PLEKHG2: variants seen among roughly 807,000 people sequenced by gnomAD.
The protein encoded by PLEKHG2 is pleckstrin homology domain-containing family G member 2.
A neutral mutation model predicts 104.4 loss-of-function variants in PLEKHG2; 71 were observed. The observed-to-expected ratio is 0.68, with a 90% CI of 0.56 to 0.83. The LOEUF is 0.83. Ranked by LOEUF, PLEKHG2 falls within the 40% of genes least tolerant of loss-of-function variation. The pLI is 0.00. For missense variants in PLEKHG2, 1,730 were observed against 1,809.4 expected (o/e 0.96, Z 0.80); for synonymous variants, 728 against 737.0 (o/e 0.99, Z 0.20).
Position 39,425,493 on chromosome 19 carries a change from G to A in PLEKHG2, c.*199G>A, listed in dbSNP as rs1288183224. On this transcript the variant is annotated 3_prime_UTR_variant, in exon 19 of 19. Transcript: ENST00000425673. ...AAGGGAGGAATGTCATTAATGTTTT[G>A]TTAATACTGATTCTTTCATGCAATG... The A allele has an allele frequency of 6.0e-6, 5 of 833,854 alleles. No homozygotes were observed. Among genetic ancestry groups the A allele is most frequent in the Non-Finnish European group, 8.6e-6 (5 of 581,244 alleles). The allele number at this position is 833,854 out of a possible 1,614,324, so 51.7% of individuals were successfully genotyped here.
At position 39,423,115 on chromosome 19, in the gene PLEKHG2, C is replaced by T. The variant is rs1293184042; in HGVS notation, c.2061C>T (p.Pro687=). The T allele has an allele frequency of 1.2e-6, 2 of 1,614,044 alleles. No individual in the cohort carries two copies. Among genetic ancestry groups the T allele is most frequent in the African/African-American group, 2.7e-5 (2 of 74,936 alleles). ...VPNTPSLSST[P]TLSCDSWLQG... ...ACACCCCCAGTCTGTCTAGCACTCC[C>T]ACCCTCTCCTGTGACTCCTGGCTCC... Residue 687 remains proline, a synonymous_variant, in exon 18 of 19, where the codon CCC becomes CCT. Transcript: ENST00000425673.
rs756825548 is a variant in PLEKHG2, at chr19:39,423,989, C to A, written c.2856C>A (p.Ala952=). The part of the protein sequence containing the change: ...GGSRHVQAPA[A]TPLPKQEGPL... ...CCCGGCATGTCCAGGCTCCAGCCGC[C>A]ACACCTTTGCCCAAGCAAGAAGGCC... Residue 952 remains alanine (A), a synonymous_variant, in exon 19 of 19, where the codon GCC becomes GCA. Transcript: ENST00000425673. The A allele has an allele frequency of 6.2e-7, 1 of 1,614,144 alleles. No individual in the cohort carries two copies.
At position 39,413,895 on chromosome 19, in the gene PLEKHG2, C is replaced by G. The variant is rs2078559472; in HGVS notation, c.-22-170C>G. ...GCCTTTCCATCTTTTTCGCCAGGTT[C>G]TCTCTCCTTGTCCCCTTCTTTCTGT... On this transcript the variant is annotated intron_variant, in intron 1 of 18. Transcript: ENST00000425673. This position sits in a 1 kb window ranked among gnomAD's most constrained non-coding sequence, Gnocchi z 4.5. 2.0e-6 allele frequency: 1 copy of G among 502,326 alleles called. No homozygotes were observed. The allele number at this position is 502,326 out of a possible 1,614,324, so 31.1% of individuals were successfully genotyped here.
Position 39,428,000 on chromosome 19 carries a change from C to A in PLEKHG2, c.*2706C>A, listed in dbSNP as rs1436388612. ...GGTGGATCACTTGAAGTGAGGAGTT[C>A]GAGACCACACCAGCCTGGCCAACAT... is the stretch of plus-strand genomic sequence containing the variant. On this transcript the variant is annotated 3_prime_UTR_variant, in exon 19 of 19. Transcript: ENST00000425673. 6.6e-6 allele frequency: 1 copy of A among 152,120 alleles called. No individual in the cohort carries two copies. Among genetic ancestry groups the A allele is most frequent in the East Asian group, 1.9e-4 (1 of 5,178 alleles). 9.4% of individuals were successfully genotyped at this position (152,120 alleles called of 1,614,324 possible).
chr19:39,422,093 C>A, intron 16 of PLEKHG2, 22 bp from the exon 17 acceptor site: 1 of 1,593,982 alleles, frequency 6.3e-7, no homozygotes, highest in Non-Finnish European at 8.5e-7. Flanking sequence ...CTCTTGCCTT[C>A]CATTGCTTTC....
intron 7 of PLEKHG2, 29 bp from the exon 8 acceptor site, chr19:39,417,526 T>A: frequency 6.2e-7 from 1 of 1,610,458 alleles, no homozygotes; most frequent in Non-Finnish European, 8.5e-7. Context: ...TCTCTCCCCA[T>A]CCCTGCGTGC....
At chr19:39,419,296 A>AC (rs148607016) in intron 11 of PLEKHG2, among the ~76,000 whole-genome samples, 1 of 152,234 alleles carries the variant, frequency 6.6e-6, no homozygotes, top group Non-Finnish European at 1.5e-5. Context: ...CATGGGCTTG[A>AC]CCAATAGAAG....
chr19:39,414,992 C>A lies in PLEKHG2; in HGVS notation c.110C>A (p.Ala37Asp). 6.3e-7 allele frequency: 1 copy of A among 1,592,222 alleles called. No individual in the cohort carries two copies. The highest frequency in any genetic ancestry group is 1.1e-5 in the South Asian group (1 of 88,804). Residue 37 changes from alanine (A) to aspartate (D), a missense_variant and splice_region_variant, in exon 3 of 19, where the codon GCT (alanine) becomes GAT (aspartate). Ala to Asp is a moderately radical substitution (Grantham distance 126). Transcript: ENST00000425673. ...DCGTVCETRTAPAAPTMASPR... is the reference protein window; with the variant it reads ...DCGTVCETRTDPAAPTMASPR... ...GACCTCCTGTTCCACACCCCAGCAG[C>A]TCCTGCAGCCCCCACCATGGCCTCC...
At chr19:39,414,850 C>T in intron 2 of PLEKHG2, 142 bp from the exon 3 acceptor site, 2 of 967,600 alleles carry the variant, frequency 2.1e-6, no homozygotes, top group Non-Finnish European at 3.0e-6. Flanking sequence ...TGGACCAAGA[C>T]AGGGCAGTGG....
At position 39,428,090 on chromosome 19, in the gene PLEKHG2, TC is replaced by T. The variant is rs2078802823; in HGVS notation, c.*2798del. On this transcript the variant is annotated 3_prime_UTR_variant, in exon 19 of 19. Transcript: ENST00000425673. ...TGGGCGTGGTGGTGGGTGCCGGTAATCCTAGCTACTCAGGAGGCTGAGGCAG... is the reference window on the plus strand; with the variant it reads ...TGGGCGTGGTGGTGGGTGCCGGTAATCTAGCTACTCAGGAGGCTGAGGCAG... The T allele has an allele frequency of 6.6e-6, 1 of 152,162 alleles. No individual in the cohort carries two copies. The highest frequency in any genetic ancestry group is 1.5e-5 in the Non-Finnish European group (1 of 68,070). The allele number at this position is 152,162 out of a possible 1,614,324, so 9.4% of individuals were successfully genotyped here.
rs2078605900 is a variant in PLEKHG2 at position 39,416,454 on chromosome 19, C to G, written c.546+40C>G. On this transcript the variant is annotated intron_variant, in intron 5 of 18. Coordinates refer to ENST00000425673, the MANE Select transcript of PLEKHG2 (RefSeq NM_022835.3). The surrounding 1 kb of genome is among the most constrained non-coding windows in gnomAD (Gnocchi z 4.5). ...GGGGGGCTCTCGGTCCTGGATGGGGCCTTTGTAGAGGGGGGAGAGCAGGCT... is the reference window on the plus strand; with the variant it reads ...GGGGGGCTCTCGGTCCTGGATGGGGGCTTTGTAGAGGGGGGAGAGCAGGCT... The G allele has an allele frequency of 6.2e-7, 1 of 1,610,828 alleles. No individual in the cohort carries two copies. Among genetic ancestry groups the G allele is most frequent in the Non-Finnish European group, 8.5e-7 (1 of 1,178,582 alleles).
At chr19:39,421,030 C>T (rs377354729) in intron 14 of PLEKHG2, 34 bp downstream of exon 14, 12 of 1,614,022 alleles carry the variant, frequency 7.4e-6, no homozygotes, top group Admixed American at 1.7e-5. Flanking sequence ...ATCCAGGCAT[C>T]GGGGTGGGAG....
chr19:39,417,583 C>T lies in PLEKHG2; in HGVS notation c.773C>T (p.Pro258Leu). Residue 258 changes from proline (P) to leucine (L), a missense_variant, in exon 8 of 19, where the codon CCA (proline) becomes CTA (leucine). By Grantham distance (98) the Pro-to-Leu change is moderately conservative. Transcript: ENST00000425673. ...CTAGGGAAGCACTGGGCGGAGGGCC[C>T]AGGCACTGGGGGTCGCGAGATGGTG... ...QELGKHWAEG[P>L]GTGGREMVEE... 8.7e-6 allele frequency: 14 copies of T among 1,614,090 alleles called. No homozygotes were observed. The highest frequency in any genetic ancestry group is 1.0e-5 in the Non-Finnish European group (12 of 1,180,010).
In PLEKHG2 at chr19:39,420,623, C is replaced by G. The variant is rs772713990; in HGVS notation, c.1264-3C>G. 4 of 1,614,048 alleles carry G rather than the reference C, an allele frequency of 2.5e-6. No individual in the cohort carries two copies. ...CCTCAGCCCTCATCCTCCTGTCTTT[C>G]AGGCAAAGCAAGTTCTCCTTGAAAA... is the stretch of plus-strand genomic sequence containing the variant. On this transcript the variant is annotated splice_polypyrimidine_tract_variant and splice_region_variant and intron_variant, in intron 11 of 18. Coordinates refer to ENST00000425673, the MANE Select transcript of PLEKHG2 (RefSeq NM_022835.3).
At chr19:39,418,644 G>A (rs776667290) in intron 9 of PLEKHG2, 90 bp from the exon 10 acceptor site, 10 of 998,696 alleles carry the variant, frequency 1.0e-5, no homozygotes, top group Non-Finnish European at 1.4e-5. Flanking sequence ...TAGGGAGGAG[G>A]ACCCAGATAC....
chr19:39,424,504 C>T lies in PLEKHG2; in HGVS notation c.3371C>T (p.Pro1124Leu). 1 of 1,614,142 alleles carries T rather than the reference C, an allele frequency of 6.2e-7. No individual in the cohort carries two copies. Residue 1124 changes from proline to leucine, a missense_variant, in exon 19 of 19, where the codon CCA becomes CTA. Physicochemically the swap from Pro to Leu is moderately conservative, Grantham distance 98. Transcript: ENST00000425673. ...AHGSHLDHRI[P>L]ANAPLSLSQE... ...GGAAGCCACCTGGACCATCGGATCC[C>T]AGCCAACGCCCCACTGTCTTTGTCC...
exon 19 of PLEKHG2, chr19:39,428,414 CACTT>C (rs1292930588): frequency 2.6e-5 from 4 of 152,226 alleles, no homozygotes; most frequent in African/African-American, 7.2e-5. Flanking sequence ...GGCTTCTGCT[CACTT>C]ACTGTTTATT....
rs60249181 is a variant in PLEKHG2 at position 39,421,397 on chromosome 19, G to A, written c.1503+98G>A. On this transcript the variant is annotated intron_variant, in intron 16 of 18. Transcript: ENST00000425673. ...AAAATCCTGGGTCTGAATGAGAAGG[G>A]GATTGGGGCCAGACAGAGTAACTCA... 8.1e-3 allele frequency: 10,785 copies of A among 1,328,664 alleles called. 462 individuals carry two copies. In the African/African-American group the frequency reaches 0.11, roughly 14 times the overall value. The allele number at this position is 1,328,664 out of a possible 1,614,324, so 82.3% of individuals were successfully genotyped here.
rs1296972963 is a variant in PLEKHG2 at position 39,414,206 on chromosome 19, A to C, written c.109+11A>C. The C allele has an allele frequency of 1.9e-6, 3 of 1,550,348 alleles. No homozygotes were observed. The Admixed American group carries it at 5.9e-5, about 30-fold the overall frequency. On this transcript the variant is annotated intron_variant, in intron 2 of 18. Transcript: ENST00000425673. Reference sequence around the variant, plus strand: ...GTGAGACTCGGACAGGTGAGCCTAGAGGCAGGGGCGGCGGAGCCTGTGGGG... The same window carrying C: ...GTGAGACTCGGACAGGTGAGCCTAGCGGCAGGGGCGGCGGAGCCTGTGGGG...
Sources: gnomAD v4.1 joint callset for allele counts (sites outside exome capture counted in the v4.1 genomes callset) on GRCh38, gnomAD v4.1.1 for gene constraint, Gnocchi (gnomAD v3.1) non-coding constraint, MANE v1.5 for transcripts, NCBI Gene and HGNC (gene_info 2026-07-23, HGNC 2026-07-21) for gene names.